DDX47: variants seen among roughly 807,000 people sequenced by gnomAD.
The protein encoded by DDX47 is DEAD-box helicase 47.
A neutral mutation model predicts 58.8 loss-of-function variants in DDX47; 60 were observed. The ratio of observed to expected loss-of-function variants is 1.02; its 90% confidence interval spans 0.83 to 1.26. The LOEUF (loss-of-function observed/expected upper bound fraction) is 1.26. DDX47 is among the 50% of genes most tolerant of loss of function. The probability of loss-of-function intolerance (pLI) is 0.00; values close to 1 mark genes in which losing one functional copy is unlikely to be tolerated. For synonymous variants in DDX47, 197 were observed against 204.6 expected, an observed-to-expected ratio of 0.96 and a Z score of 0.32; for missense variants, 530 against 573.2, an observed-to-expected ratio of 0.92 and a Z score of 0.77.
At chr12:12,823,154 TAAAG>T (rs761143937) in intron 6 of DDX47, 45 bp from the exon 7 acceptor site, 5 of 1,175,546 alleles carry the variant, frequency 4.3e-6, no homozygotes, top group Admixed American at 3.4e-5. Flanking sequence ...ATGTCATAAA[TAAAG>T]AGTGTTTAGG....
At chr12:12,815,314 A>G (rs1011463729) in intron 2 of DDX47, among the ~76,000 whole-genome samples, 1 of 152,218 alleles carries the variant, frequency 6.6e-6, no homozygotes, top group Non-Finnish European at 1.5e-5. Context: ...TCATGTGGAA[A>G]AGGGGTTAGA....
chr12:12,825,432 C>T (rs1424589587), intron 9 of DDX47, among the ~76,000 whole-genome samples: 1 of 152,158 alleles, frequency 6.6e-6, no homozygotes, highest in Non-Finnish European at 1.5e-5. Context: ...AGTCTTCCAC[C>T]TGTGATAATC....
intron 11 of DDX47, among the ~76,000 whole-genome samples, chr12:12,828,334 T>G (rs1375067499): frequency 6.6e-6 from 1 of 152,190 alleles, no homozygotes; most frequent in Non-Finnish European, 1.5e-5. Flanking sequence ...ATTACCTTCA[T>G]ATATAAGGTA....
chr12:12,817,661 T>C (rs1862916273), intron 2 of DDX47, among the ~76,000 whole-genome samples: 1 of 152,258 alleles, frequency 6.6e-6, no homozygotes, highest in Non-Finnish European at 1.5e-5. Flanking sequence ...GGCAGGTCTA[T>C]ATGACAAAAT....
rs774098537 is a variant in DDX47 at position 12,822,694 on chromosome 12, C to T, written c.595C>T (p.Arg199Trp). The T allele has an allele frequency of 1.2e-5, 20 of 1,613,858 alleles. No homozygotes were observed. The highest frequency in any genetic ancestry group is 8.8e-5 in the South Asian group (8 of 91,062). The change falls in exon 6 of 12, where the codon CGG (arginine) becomes TGG (tryptophan). Residue 199 changes from arginine to tryptophan, a missense_variant. Transcript: ENST00000358007. ...GATCCTCAAAGTGATTCCTCGAGAT[C>T]GGAAAACATTCCTCTTCTCTGCCAC... is the stretch of plus-strand genomic sequence containing the variant. ...DKILKVIPRD[R>W]KTFLFSATMT... is the part of the protein sequence containing the mutation.
intron 2 of DDX47, among the ~76,000 whole-genome samples, chr12:12,817,167 A>G (rs1486894826): frequency 1.3e-5 from 2 of 152,138 alleles, no homozygotes; most frequent in Admixed American, 6.6e-5. Context: ...TGAATTTGGG[A>G]CTACTGACGT....
In DDX47 at chr12:12,816,193, T is replaced by C. The variant is rs80096848; in HGVS notation, c.181+1969T>C. Among the ~76,000 whole-genome samples the C allele has an allele frequency of 8.6e-3, 1,306 of 152,210 alleles. 17 individuals are homozygous for C. Among genetic ancestry groups the C allele is most frequent in the African/African-American group, 0.03 (1,233 of 41,518 alleles). The stretch of plus-strand genomic sequence containing the variant: ...TAATTGATTTTGGATATCAATGAGA[T>C]AGAGTTGACCTTGTGGGAGGGGAAT... On this transcript the variant is annotated intron_variant, in intron 2 of 11. Coordinates refer to ENST00000358007, the MANE Select transcript of DDX47 (RefSeq NM_016355.4).
chr12:12,824,836 A>G (rs1426894253), intron 9 of DDX47, 159 bp downstream of exon 9: 9 of 678,496 alleles, frequency 1.3e-5, no homozygotes, highest in Non-Finnish European at 2.2e-5. Context: ...CATCTTGCAC[A>G]GGCCTGTGTA....
chr12:12,827,228 G>C lies in DDX47; in HGVS notation c.1107-18G>C, dbSNP rs2136426358. ...TGCGTTACCAGGCAACCAGAGCTGT[G>C]CAGTTTTCCTTCCTCAGGTATGATG... On this transcript the variant is annotated intron_variant, in intron 10 of 11. Transcript: ENST00000358007. The C allele has an allele frequency of 3.7e-6, 6 of 1,612,742 alleles. No individual in the cohort carries two copies. In the East Asian group the frequency reaches 1.1e-4, roughly 30 times the overall value.
In DDX47 at chr12:12,813,408, C is replaced by G; in HGVS notation, c.41C>G (p.Ser14Cys). 1 of 1,613,574 alleles carries G rather than the reference C, an allele frequency of 6.2e-7. No homozygotes were observed. Among genetic ancestry groups the G allele is most frequent in the Non-Finnish European group, 8.5e-7 (1 of 1,179,732 alleles). The change falls in exon 1 of 12, where the codon TCC becomes TGC. Residue 14 changes from serine to cysteine, a missense_variant. Coordinates refer to ENST00000358007, the MANE Select transcript of DDX47 (RefSeq NM_016355.4). ...PEEHDSPTEA[S>C]QPIVEEEETK... ...GAACACGATTCTCCGACCGAAGCGTCCCAGCCGATTGTGGAAGAGGAGGAA... is the reference window on the plus strand; with the variant it reads ...GAACACGATTCTCCGACCGAAGCGTGCCAGCCGATTGTGGAAGAGGAGGAA...
At chr12:12,821,495 T>C (rs926554689) in intron 3 of DDX47, 99 bp downstream of exon 3, 1 of 1,494,904 alleles carries the variant, frequency 6.7e-7, no homozygotes, top group Non-Finnish European at 9.3e-7. Flanking sequence ...GCATAATTTA[T>C]TGACCTAAAG....
chr12:12,823,132 C>T (rs1862997212), intron 6 of DDX47, 71 bp from the exon 7 acceptor site: 2 of 1,014,288 alleles, frequency 2.0e-6, no homozygotes, highest in African/African-American at 3.2e-5. Flanking sequence ...GGTGAGGACA[C>T]AGAGCCAAAC....
chr12:12,820,800 C>T (rs1862958110), intron 2 of DDX47: 1 of 205,720 alleles, frequency 4.9e-6, no homozygotes, highest in Non-Finnish European at 9.8e-6. Flanking sequence ...CATGCCCAGC[C>T]AGCATGCTAT....
intron 1 of DDX47, 39 bp downstream of exon 1, chr12:12,813,493 G>A: frequency 6.4e-7 from 1 of 1,552,884 alleles, no homozygotes; most frequent in Non-Finnish European, 8.8e-7. Context: ...ATGTACTCTG[G>A]TGCTAGGCTC....
Position 12,822,576 on chromosome 12 carries a change from G to A in DDX47, c.562-85G>A, listed in dbSNP as rs1026733943. On this transcript the variant is annotated intron_variant, in intron 5 of 11. Coordinates refer to ENST00000358007, the MANE Select transcript of DDX47 (RefSeq NM_016355.4). ...TCACAGTGATATATTTAGTTTGTTA[G>A]TGTCTACCTCCTTCACTACCTAGAG... The A allele has an allele frequency of 9.3e-6, 10 of 1,077,342 alleles. No individual in the cohort carries two copies. In the African/African-American group the frequency reaches 1.4e-4, roughly 15 times the overall value. 66.7% of individuals were successfully genotyped at this position (1,077,342 alleles called of 1,614,324 possible).
At chr12:12,819,769 T>A (rs1024700345) in intron 2 of DDX47, among the ~76,000 whole-genome samples, 1 of 152,220 alleles carries the variant, frequency 6.6e-6, no homozygotes, top group Non-Finnish European at 1.5e-5. Flanking sequence ...AGTTTTTGGC[T>A]TTTGAGTGTC....
chr12:12,827,714 G>A (rs1863073434), intron 11 of DDX47, among the ~76,000 whole-genome samples: 1 of 152,108 alleles, frequency 6.6e-6, no homozygotes, highest in South Asian at 2.1e-4. Flanking sequence ...ATCAGAATCA[G>A]TTTCTCACCT....
In DDX47 at chr12:12,821,738, ACAAAGGTAAAAGACACTGG is replaced by A. The variant is rs773153676; in HGVS notation, c.442+15_442+33del. 1 of 1,596,894 alleles carries A rather than the reference ACAAAGGTAAAAGACACTGG, an allele frequency of 6.3e-7. No homozygotes were observed. The highest frequency in any genetic ancestry group is 8.6e-7 in the Non-Finnish European group (1 of 1,164,470). On this transcript the variant is annotated intron_variant, in intron 4 of 11. Coordinates refer to ENST00000358007, the MANE Select transcript of DDX47 (RefSeq NM_016355.4). Reference sequence around the variant, plus strand: ...ACATATAATAATAGGTGAGTAACTGACAAAGGTAAAAGACACTGGCAGTGATGAATTGGAGAAAATCTAC... The same window carrying A: ...ACATATAATAATAGGTGAGTAACTGACAGTGATGAATTGGAGAAAATCTAC...
intron 7 of DDX47, 135 bp from the exon 8 acceptor site, chr12:12,823,735 A>G: frequency 1.2e-6 from 1 of 834,326 alleles, no homozygotes; most frequent in Non-Finnish European, 1.9e-6. Context: ...TGGTTAAGGA[A>G]TGCAAAGCTG....
Sources: allele counts gnomAD v4.1 joint callset (sites outside exome capture counted in the v4.1 genomes callset), GRCh38; gene constraint gnomAD v4.1.1; transcripts MANE v1.5; gene names NCBI Gene and HGNC (gene_info 2026-07-23, HGNC 2026-07-21).